The following TTLL6 variants were observed in gnomAD, a reference collection of about 807,000 sequenced individuals.
TTLL6 encodes the protein tubulin polyglutamylase TTLL6.
Under a neutral mutation model 96.4 loss-of-function variants are expected in TTLL6, and 75 were observed. That is an observed-to-expected ratio of 0.78 (90% CI 0.65 to 0.94). TTLL6 has a LOEUF of 0.94. Ranked by LOEUF, TTLL6 falls within the 40% of genes least tolerant of loss-of-function variation. The probability of loss-of-function intolerance (pLI) is 0.00; values close to 1 mark genes in which losing one functional copy is unlikely to be tolerated. For synonymous variants in TTLL6, 411 were observed against 419.4 expected, an observed-to-expected ratio of 0.98 and a Z score of 0.24; for missense variants, 1,030 against 1,093.0, an observed-to-expected ratio of 0.94 and a Z score of 0.81.
At chr17:48,805,315 A>G (rs781749769) in intron 1 of TTLL6, among the ~76,000 whole-genome samples, 2 of 152,232 alleles carry the variant, frequency 1.3e-5, no homozygotes, top group Non-Finnish European at 2.9e-5. Context: ...GTCTGGAGAC[A>G]GCGAAGCCCC....
At chr17:48,777,043 C>CACACACACAG (rs2038886973) in intron 13 of TTLL6, among the ~76,000 whole-genome samples, 1 of 151,764 alleles carries the variant, frequency 6.6e-6, no homozygotes, top group Non-Finnish European at 1.5e-5. Flanking sequence ...CACACACACA[C>CACACACACAG]ACACACCCCT....
At chr17:48,784,515 G>A (rs749992980) in intron 13 of TTLL6, among the ~76,000 whole-genome samples, 1 of 152,124 alleles carries the variant, frequency 6.6e-6, no homozygotes, top group Non-Finnish European at 1.5e-5. Flanking sequence ...CAAGCACTCA[G>A]CAGCCACCAG....
intron 1 of TTLL6, among the ~76,000 whole-genome samples, chr17:48,811,068 CTT>C (rs35618180): frequency 3.7e-4 from 41 of 110,528 alleles, no homozygotes; most frequent in South Asian, 1.2e-3. Flanking sequence ...TATTATTTTT[CTT>C]TTTTTTTTTT....
chr17:48,793,131 C>T (rs565445618), intron 8 of TTLL6, among the ~76,000 whole-genome samples: 2 of 152,238 alleles, frequency 1.3e-5, no homozygotes, highest in East Asian at 1.9e-4. Flanking sequence ...TGAGTTTGTG[C>T]GCCAGTGGGG....
At position 48,801,346 on chromosome 17, in the gene TTLL6, T is replaced by C; in HGVS notation, c.520A>G (p.Lys174Glu). The C allele has an allele frequency of 1.3e-6, 2 of 1,551,646 alleles. No individual in the cohort carries two copies. Among genetic ancestry groups the C allele is most frequent in the South Asian group, 1.2e-5 (1 of 84,050 alleles). Residue 174 changes from lysine to glutamate, a missense_variant, in exon 5 of 16, where the codon AAG becomes GAG. Lys to Glu is a moderately conservative substitution (Grantham distance 56, BLOSUM62 1). Transcript: ENST00000393382. ...CTCATGTTCCTGGCCAGCAAGTCCT[T>C]CCGGCAGATTTCACTCATCCCGGGG... is the stretch of plus-strand genomic sequence containing the variant. ...HFPGMSEICRKDLLARNMSRM... is the reference protein window; with the variant it reads ...HFPGMSEICREDLLARNMSRM...
At position 48,769,152 on chromosome 17, in the gene TTLL6, T is replaced by C. The variant is rs957617981; in HGVS notation, c.2513A>G (p.Tyr838Cys). The C allele has an allele frequency of 3.1e-6, 5 of 1,614,066 alleles. No individual in the cohort carries two copies. The highest frequency in any genetic ancestry group is 1.1e-5 in the South Asian group (1 of 91,092). Residue 838 changes from tyrosine to cysteine, a missense_variant, in exon 15 of 16, where the codon TAT (tyrosine) becomes TGT (cysteine). Tyr to Cys is a radical substitution (Grantham distance 194). Coordinates refer to ENST00000393382, the MANE Select transcript of TTLL6 (RefSeq NM_001130918.3). ...CAGCAGGTCCCTCAGAGTAACATTATAGCTCTGAGGACTCTGCAAGAGGAG... is the reference window on the plus strand; with the variant it reads ...CAGCAGGTCCCTCAGAGTAACATTACAGCTCTGAGGACTCTGCAAGAGGAG... ...SSLLLQSPQS[Y>C]NVTLRDLLVI...
rs1243398346 is a variant in TTLL6 at position 48,774,088 on chromosome 17, A to C, written c.2041-3991T>G. Among the ~76,000 whole-genome samples, 8 of 102,594 alleles carry C rather than the reference A, an allele frequency of 7.8e-5. No homozygotes were observed. The East Asian group carries it at 8.0e-4, about 10-fold the overall frequency. 67.3% of individuals were successfully genotyped at this position (102,594 alleles called of 152,430 possible). On this transcript the variant is annotated intron_variant, in intron 13 of 15. Transcript: ENST00000393382. ...CAAGAGCAAAACTCCATCTCAAAAAAAACAAAACAAAAAAAAAAAAAAAAC... is the reference window on the plus strand; with the variant it reads ...CAAGAGCAAAACTCCATCTCAAAAACAACAAAACAAAAAAAAAAAAAAAAC...
Position 48,805,006 on chromosome 17 carries a change from G to A in TTLL6, c.104-15C>T. On this transcript the variant is annotated splice_polypyrimidine_tract_variant and intron_variant, in intron 1 of 15. Transcript: ENST00000393382. Reference sequence around the variant, plus strand: ...ATACCAGGCCCCTAGAGAGAGGGCAGAGGGAGCCGCAGTTACAGAGATCCA... The same window carrying A: ...ATACCAGGCCCCTAGAGAGAGGGCAAAGGGAGCCGCAGTTACAGAGATCCA... The A allele has an allele frequency of 6.5e-7, 1 of 1,544,434 alleles. No individual in the cohort carries two copies. Among genetic ancestry groups the A allele is most frequent in the Admixed American group, 2.0e-5 (1 of 50,998 alleles).
chr17:48,771,499 G>A (rs937810186), intron 13 of TTLL6, among the ~76,000 whole-genome samples: 7 of 152,022 alleles, frequency 4.6e-5, no homozygotes, highest in African/African-American at 1.7e-4. Context: ...AAGCATGGTG[G>A]TGCACACCTG....
intron 13 of TTLL6, among the ~76,000 whole-genome samples, chr17:48,782,847 G>A (rs767144762): frequency 4.6e-5 from 7 of 152,012 alleles, no homozygotes; most frequent in Admixed American, 1.3e-4. Flanking sequence ...CCAAGTAGAC[G>A]GGATTGTAGG....
rs2038699276 is a variant in TTLL6 at position 48,769,830 on chromosome 17, G to T, written c.2308C>A (p.Pro770Thr). 6.2e-7 allele frequency: 1 copy of T among 1,614,112 alleles called. No individual in the cohort carries two copies. The highest frequency in any genetic ancestry group is 1.1e-5 in the South Asian group (1 of 91,086). Residue 770 changes from proline (P) to threonine (T), a missense_variant, in exon 14 of 16, where the codon CCA becomes ACA. Transcript: ENST00000393382. ...WTLLKSDMNKPHLISELLTKL... is the reference protein window; with the variant it reads ...WTLLKSDMNKTHLISELLTKL... ...GTGAGTAGCTCGGATATCAAATGTGGCTTGTTCATGTCACTCTTTAGCAAA... is the reference window on the plus strand; with the variant it reads ...GTGAGTAGCTCGGATATCAAATGTGTCTTGTTCATGTCACTCTTTAGCAAA...
At chr17:48,775,533 T>TATTATG (rs2038852790) in intron 13 of TTLL6, among the ~76,000 whole-genome samples, 1 of 148,682 alleles carries the variant, frequency 6.7e-6, no homozygotes, top group Non-Finnish European at 1.5e-5. Flanking sequence ...TTATTATTAT[T>TATTATG]ATTATTATTA....
At chr17:48,770,251 C>T (rs1248223101) in intron 13 of TTLL6, among the ~76,000 whole-genome samples, 154 bp from the exon 14 acceptor site, 1 of 151,968 alleles carries the variant, frequency 6.6e-6, no homozygotes, top group Non-Finnish European at 1.5e-5. Context: ...GCCTCAGCCT[C>T]CTGAGTAGCT....
chr17:48,782,105 C>CTT (rs34486928), intron 13 of TTLL6, among the ~76,000 whole-genome samples: 48 of 122,586 alleles, frequency 3.9e-4, no homozygotes, highest in African/African-American at 9.7e-4. Context: ...TTTTTCTTTT[C>CTT]TTTTTTTTTT....
intron 13 of TTLL6, among the ~76,000 whole-genome samples, chr17:48,771,864 C>T (rs867661888): frequency 6.6e-6 from 1 of 151,892 alleles, no homozygotes; most frequent in Non-Finnish European, 1.5e-5. Context: ...CACTTGAGGT[C>T]GGGTGTTTGA....
chr17:48,807,580 C>T (rs973370173), intron 1 of TTLL6, among the ~76,000 whole-genome samples: 2 of 151,978 alleles, frequency 1.3e-5, no homozygotes, highest in African/African-American at 4.8e-5. Context: ...GGTGCAATCT[C>T]GGCTCACTGC....
chr17:48,798,923 G>A (rs1212103560), intron 6 of TTLL6, among the ~76,000 whole-genome samples: 1 of 148,258 alleles, frequency 6.7e-6, no homozygotes, highest in African/African-American at 2.5e-5. Context: ...TCCACTTCCC[G>A]GGCTCAAGCA....
At chr17:48,811,798 A>G (rs1013756582) in intron 1 of TTLL6, among the ~76,000 whole-genome samples, 2 of 145,982 alleles carry the variant, frequency 1.4e-5, no homozygotes. Context: ...CCCAGGTTCC[A>G]GCTATTCTTC....
intron 7 of TTLL6, among the ~76,000 whole-genome samples, chr17:48,796,704 G>A (rs938894994): frequency 6.6e-6 from 1 of 152,016 alleles, no homozygotes; most frequent in African/African-American, 2.4e-5. Context: ...GGGGGTCCAG[G>A]AAAGGTGGGG....
Sources: gnomAD v4.1 joint callset for allele counts (sites outside exome capture counted in the v4.1 genomes callset) on GRCh38, gnomAD v4.1.1 for gene constraint, MANE v1.5 for transcripts, NCBI Gene and HGNC (gene_info 2026-07-23, HGNC 2026-07-21) for gene names.